Variants in ECHDC2 observed in about 807,000 individuals in gnomAD.
ECHDC2 encodes enoyl-CoA hydratase domain-containing protein 2, mitochondrial.
In ECHDC2, 34 loss-of-function variants were observed where a neutral mutation model predicts 40.6. The observed-to-expected ratio is 0.84, with a 90% CI of 0.64 to 1.11. The LOEUF (loss-of-function observed/expected upper bound fraction) is 1.11, where lower values mean the gene tolerates loss of function less well. ECHDC2 is among the 50% of genes most tolerant of loss of function. The pLI is 0.00. For synonymous variants in ECHDC2, 162 were observed against 166.6 expected (o/e 0.97, Z 0.21); for missense variants, 392 against 400.7 (o/e 0.98, Z 0.19).
chr1:52,912,183 T>A (rs902158757), intron 1 of ECHDC2: 8 of 410,674 alleles, frequency 1.9e-5, no homozygotes, highest in African/African-American at 1.1e-4. Flanking sequence ...TTTTTTTTTT[T>A]ATTTTTGGCG....
intron 7 of ECHDC2, among the ~76,000 whole-genome samples, chr1:52,902,388 A>T (rs1035385060): frequency 3.3e-5 from 5 of 152,148 alleles, no homozygotes; most frequent in African/African-American, 1.2e-4. Flanking sequence ...AACTCCTGGC[A>T]TCAAGTGATC....
At chr1:52,900,632 T>C (rs1311912491) in intron 7 of ECHDC2, 2 of 152,114 alleles carry the variant, frequency 1.3e-5, no homozygotes, top group East Asian at 3.9e-4. Context: ...ATGGAAACAA[T>C]AGTGATGATC....
At position 52,899,243 on chromosome 1, in the gene ECHDC2, T is replaced by A; in HGVS notation, c.703-19A>T. 1 of 1,613,932 alleles carries A rather than the reference T, an allele frequency of 6.2e-7. No individual in the cohort carries two copies. Among genetic ancestry groups the A allele is most frequent in the Non-Finnish European group, 8.5e-7 (1 of 1,179,876 alleles). The stretch of plus-strand genomic sequence containing the variant: ...TGGGGGCCTAGGGAAAAGCAAAAAG[T>A]CTTGGTTGAGGAGGGCATCAAGGCT... On this transcript the variant is annotated intron_variant, in intron 7 of 9. Transcript: ENST00000371522.
At position 52,896,430 on chromosome 1, in the gene ECHDC2, G is replaced by T; in HGVS notation, c.*90C>A. 2.9e-6 allele frequency: 3 copies of T among 1,019,212 alleles called. No homozygotes were observed. Among genetic ancestry groups the T allele is most frequent in the Non-Finnish European group, 4.7e-6 (3 of 638,748 alleles). The allele number at this position is 1,019,212 out of a possible 1,614,324, so 63.1% of individuals were successfully genotyped here. A position where few individuals can be genotyped will look rare whatever the true frequency, so the allele number is the denominator to read the frequency against. On this transcript the variant is annotated 3_prime_UTR_variant, in exon 10 of 10. Transcript: ENST00000371522. The stretch of plus-strand genomic sequence containing the variant: ...TGAAGAAATGGAAGTCTGGAGAGGT[G>T]AAATGATGAAGGCAATCTGGCCACA...
intron 1 of ECHDC2, chr1:52,921,269 C>A: frequency 4.0e-6 from 2 of 497,522 alleles, no homozygotes; most frequent in Non-Finnish European, 6.2e-6. Context: ...GGGGCCCAGT[C>A]CTACCCGTGC....
chr1:52,918,264 A>G (rs894286765), intron 1 of ECHDC2, among the ~76,000 whole-genome samples: 1 of 151,922 alleles, frequency 6.6e-6, no homozygotes, highest in South Asian at 2.1e-4. Context: ...GGCTCAAGCA[A>G]TCTGCCTGCC....
At chr1:52,915,782 GT>G (rs1271673866) in intron 1 of ECHDC2, among the ~76,000 whole-genome samples, 5 of 152,164 alleles carry the variant, frequency 3.3e-5, no homozygotes, top group African/African-American at 4.8e-5. Context: ...TACAGCAAAG[GT>G]TATACAATGT....
rs1045800511 is a variant in ECHDC2 at position 52,907,618 on chromosome 1, C to G, written c.364+250G>C. On this transcript the variant is annotated intron_variant, in intron 4 of 9. Transcript: ENST00000371522. ...AAACTTGAAAGCATGCTTGGGGAAA[C>G]TTAACTGCTTTGGAATGGCCAGGCT... 4.9e-5 allele frequency: 21 copies of G among 432,898 alleles called. No homozygotes were observed. In the Admixed American group the frequency reaches 6.3e-4, roughly 13 times the overall value. The allele number at this position is 432,898 out of a possible 1,614,324, so 26.8% of individuals were successfully genotyped here. A position where few individuals can be genotyped will look rare whatever the true frequency, so the allele number is the denominator to read the frequency against.
chr1:52,901,537 C>A (rs1192861796), intron 7 of ECHDC2: 1 of 152,166 alleles, frequency 6.6e-6, no homozygotes, highest in Admixed American at 6.5e-5. Flanking sequence ...ACTCTGGAAC[C>A]ATTTGCTACC....
chr1:52,915,374 G>A, intron 1 of ECHDC2: 1 of 455,954 alleles, frequency 2.2e-6, no homozygotes, highest in East Asian at 6.9e-5. Flanking sequence ...AAAGTTTCTG[G>A]GCTCTCAAGG....
At chr1:52,911,508 C>G (rs1649478713) in intron 3 of ECHDC2, 58 bp downstream of exon 3, 2 of 1,547,454 alleles carry the variant, frequency 1.3e-6, no homozygotes, top group South Asian at 1.1e-5. Context: ...TTCCCCCAAC[C>G]CCTGGAGGCT....
intron 3 of ECHDC2, among the ~76,000 whole-genome samples, chr1:52,911,262 C>T (rs1417871130): frequency 6.6e-6 from 1 of 152,128 alleles, no homozygotes; most frequent in Non-Finnish European, 1.5e-5. Context: ...CAGATGTGAG[C>T]CACTGTACCC....
At chr1:52,896,814 T>G (rs1646664830) in intron 9 of ECHDC2, 1 of 544,958 alleles carries the variant, frequency 1.8e-6, no homozygotes, top group Admixed American at 3.0e-5. Flanking sequence ...CCCATCAGCA[T>G]TAGCCTCCAC....
intron 7 of ECHDC2, among the ~76,000 whole-genome samples, chr1:52,904,439 G>C (rs1647228175): frequency 6.6e-6 from 1 of 152,174 alleles, no homozygotes; most frequent in Admixed American, 6.5e-5. Context: ...AAGCCCATTT[G>C]GTTCCAGCCC....
intron 7 of ECHDC2, chr1:52,900,793 T>A (rs907147359): frequency 2.6e-5 from 4 of 152,248 alleles, no homozygotes; most frequent in Non-Finnish European, 5.9e-5. Flanking sequence ...TTTTACCTTA[T>A]GCCCTTCTTA....
intron 1 of ECHDC2, 134 bp from the exon 2 acceptor site, chr1:52,911,924 G>C: frequency 6.7e-7 from 1 of 1,487,606 alleles, no homozygotes; most frequent in Non-Finnish European, 9.0e-7. Flanking sequence ...CTTGCCACAA[G>C]TCACACACTC....
chr1:52,897,064 C>T, intron 9 of ECHDC2: 1 of 352,378 alleles, frequency 2.8e-6, no homozygotes, highest in Non-Finnish European at 5.3e-6. Flanking sequence ...CCCAAGTGTA[C>T]AGCCCCTACA....
chr1:52,896,393 T>A lies in ECHDC2; in HGVS notation c.*127A>T, dbSNP rs528480908. 2.1e-5 allele frequency: 17 copies of A among 804,080 alleles called. No individual in the cohort carries two copies. The East Asian group carries it at 4.2e-4, about 20-fold the overall frequency. 49.8% of individuals were successfully genotyped at this position (804,080 alleles called of 1,614,324 possible). A position where few individuals can be genotyped will look rare whatever the true frequency, so the allele number is the denominator to read the frequency against. On this transcript the variant is annotated 3_prime_UTR_variant, in exon 10 of 10. Coordinates refer to ENST00000371522, the MANE Select transcript of ECHDC2 (RefSeq NM_001198961.2). ...CATCACGCCAGTCATTTTATTTCCA[T>A]CATCATCCTTGTGAAGAAATGGAAG...
In ECHDC2 at chr1:52,897,408, C is replaced by T. The variant is rs764207001; in HGVS notation, c.801+29G>A. On this transcript the variant is annotated intron_variant, in intron 9 of 9. Coordinates refer to ENST00000371522, the MANE Select transcript of ECHDC2 (RefSeq NM_001198961.2). ...TCTAGCCTGGCCCAGCCTATGTTAA[C>T]AAGCAGGCATGGGCTGGTTGCTACA... 4.3e-6 allele frequency: 7 copies of T among 1,612,764 alleles called. No individual in the cohort carries two copies. In the East Asian group the frequency reaches 6.7e-5, roughly 15 times the overall value.
Sources: gnomAD v4.1 joint callset for allele counts (sites outside exome capture counted in the v4.1 genomes callset) on GRCh38, gnomAD v4.1.1 for gene constraint, MANE v1.5 for transcripts, NCBI Gene and HGNC (gene_info 2026-07-23, HGNC 2026-07-21) for gene names.